SNX25: variants seen among roughly 807,000 people sequenced by gnomAD.
SNX25 encodes the protein sorting nexin 25.
A neutral mutation model predicts 113.7 loss-of-function variants in SNX25; 62 were observed. The observed-to-expected ratio is 0.55, with a 90% CI of 0.44 to 0.67. The LOEUF is 0.67. SNX25 is among the 30% of genes least tolerant of loss of function. SNX25 has a pLI of 0.00. For synonymous variants in SNX25, 421 were observed against 436.2 expected (o/e 0.97, Z 0.43); for missense variants, 1,014 against 1,161.0 (o/e 0.87, Z 1.84).
chr4:185,376,764 C>G, the SNX25 span: 3 of 609,144 alleles, frequency 4.9e-6, no homozygotes, highest in Non-Finnish European at 8.7e-6. Flanking sequence ...GCACTGTATC[C>G]TACTGTTAAA....
chr4:185,269,207 AAAGAGCTCAGTGGTAG>A (rs58469313), intron 5 of SNX25, among the ~76,000 whole-genome samples: 55,221 of 151,608 alleles, frequency 0.36, 10,966 homozygotes, highest in East Asian at 0.56. Flanking sequence ...TATAAAAGTG[AAAGAGCTCAGTGGTAG>A]AACACCCTTG....
intron 1 of SNX25, among the ~76,000 whole-genome samples, chr4:185,227,856 A>T (rs1741251135): frequency 6.6e-6 from 1 of 152,164 alleles, no homozygotes; most frequent in South Asian, 2.1e-4. Flanking sequence ...TTAAGGCTAC[A>T]GGGGAATGAG....
At chr4:185,269,823 C>T (rs1748659990) in intron 5 of SNX25, among the ~76,000 whole-genome samples, 1 of 152,100 alleles carries the variant, frequency 6.6e-6, no homozygotes, top group African/African-American at 2.4e-5. Context: ...CAGTCCTCTC[C>T]CTCAGCCTTC....
At chr4:185,288,158 A>G (rs1751608360) in intron 6 of SNX25, 76 bp downstream of exon 6, 2 of 1,148,858 alleles carry the variant, frequency 1.7e-6, no homozygotes, top group Non-Finnish European at 2.5e-6. Flanking sequence ...CACCTGTCAG[A>G]TCTTTGGCAA....
chr4:185,208,468 A>G (rs3112884), upstream of SNX25, among the ~76,000 whole-genome samples: 86,826 of 151,676 alleles, frequency 0.57, 25,611 homozygotes, highest in Non-Finnish European at 0.66. Flanking sequence ...GGTGGCTTAC[A>G]CCTATAATCC....
At chr4:185,224,977 AG>A (rs1740755666) in intron 1 of SNX25, among the ~76,000 whole-genome samples, 1 of 151,950 alleles carries the variant, frequency 6.6e-6, no homozygotes, top group South Asian at 2.1e-4. Flanking sequence ...AGTCATTCAG[AG>A]TGTCAGGGAG....
chr4:185,222,450 G>T (rs745432683), intron 1 of SNX25, among the ~76,000 whole-genome samples: 4 of 142,852 alleles, frequency 2.8e-5, no homozygotes, highest in African/African-American at 7.9e-5. Flanking sequence ...CCCCTCCCTC[G>T]CGGTAGGTAT....
chr4:185,294,181 A>C (rs1256770830), intron 6 of SNX25, among the ~76,000 whole-genome samples: 7 of 152,210 alleles, frequency 4.6e-5, no homozygotes, highest in Non-Finnish European at 8.8e-5. Flanking sequence ...AGTAAGTATC[A>C]AGCACGCATA....
At chr4:185,238,083 AAAT>A (rs1422662030) in intron 1 of SNX25, among the ~76,000 whole-genome samples, 2 of 151,326 alleles carry the variant, frequency 1.3e-5, no homozygotes, top group Middle Eastern at 3.2e-3. Flanking sequence ...AAAAAAAAAA[AAAT>A]TTAGAGCACC....
At chr4:185,294,036 A>G (rs1173232756) in intron 6 of SNX25, among the ~76,000 whole-genome samples, 2 of 152,182 alleles carry the variant, frequency 1.3e-5, no homozygotes, top group Non-Finnish European at 2.9e-5. Flanking sequence ...AAGATCGTGA[A>G]GGACAACAGC....
intron 2 of SNX25, among the ~76,000 whole-genome samples, chr4:185,256,750 A>G (rs1279539080): frequency 6.6e-6 from 1 of 150,598 alleles, no homozygotes; most frequent in African/African-American, 2.4e-5. Flanking sequence ...CTCAGCCCCA[A>G]GTAGCTGGGA....
In SNX25 at chr4:185,251,937, C is replaced by T. The variant is rs140810036; in HGVS notation, c.514+4559C>T. The stretch of plus-strand genomic sequence containing the variant: ...ATGTTTTCCAAAGCCTTTGGGTAAG[C>T]GTTTCAGTTTATTATACTTTGCTTT... On this transcript the variant is annotated intron_variant, in intron 2 of 18. Coordinates refer to ENST00000652585, the MANE Select transcript of SNX25 (RefSeq NM_001378034.2). 8.3e-4 allele frequency among the ~76,000 whole-genome samples: 125 copies of T among 151,380 alleles called. 1 individual carries two copies. The highest frequency in any genetic ancestry group is 2.9e-3 in the African/African-American group (119 of 41,300).
chr4:185,312,690 A>T (rs1289126123), intron 7 of SNX25, among the ~76,000 whole-genome samples: 7 of 151,692 alleles, frequency 4.6e-5, no homozygotes, highest in African/African-American at 1.2e-4. Context: ...ACCCAGCTAA[A>T]TTTTTTTTGT....
chr4:185,370,731 A>C, downstream of SNX25: 1 of 1,614,090 alleles, frequency 6.2e-7, no homozygotes, highest in African/African-American at 1.3e-5. Context: ...TGCCATTGCC[A>C]TGCCTCTGCC....
intron 1 of SNX25, among the ~76,000 whole-genome samples, chr4:185,246,447 G>A (rs1296318346): frequency 1.3e-5 from 2 of 152,118 alleles, no homozygotes; most frequent in African/African-American, 4.8e-5. Context: ...CAGTCTGATG[G>A]TATCTCATTG....
At chr4:185,234,250 A>G (rs1343837062) in intron 1 of SNX25, among the ~76,000 whole-genome samples, 1 of 152,222 alleles carries the variant, frequency 6.6e-6, no homozygotes, top group Non-Finnish European at 1.5e-5. Context: ...TTTTTCTTTT[A>G]GAAAGCAGGT....
chr4:185,266,904 A>T lies in SNX25; in HGVS notation c.905-65A>T. 3 of 1,465,520 alleles carry T rather than the reference A, an allele frequency of 2.0e-6. No individual in the cohort carries two copies. The South Asian group carries it at 3.7e-5, about 18-fold the overall frequency. The allele number at this position is 1,465,520 out of a possible 1,614,324, so 90.8% of individuals were successfully genotyped here. A position where few individuals can be genotyped will look rare whatever the true frequency, so the allele number is the denominator to read the frequency against. On this transcript the variant is annotated intron_variant, in intron 4 of 18. Coordinates refer to ENST00000652585, the MANE Select transcript of SNX25 (RefSeq NM_001378034.2). ...TCCCAAATGTAGTCTCAGTTATGTG[A>T]TACATAAACAGTTCCCTTAAAGAAG... is the stretch of plus-strand genomic sequence containing the variant.
rs530866729 is a variant in SNX25 at position 185,219,350 on chromosome 4, G to C, written c.429+9095G>C. Among the ~76,000 whole-genome samples the C allele has an allele frequency of 1.4e-3, 220 of 152,222 alleles. 3 individuals are homozygous for C. The highest frequency in any genetic ancestry group is 5.1e-3 in the African/African-American group (210 of 41,528). ...TGAGGCAGGCGGATCACAAGGTCAG[G>C]AGATCAAGACCATCCTGACTAACAT... On this transcript the variant is annotated intron_variant, in intron 1 of 18. Transcript: ENST00000652585.
downstream of SNX25, among the ~76,000 whole-genome samples, chr4:185,371,505 G>A (rs1561076211): frequency 1.4e-5 from 2 of 138,038 alleles, no homozygotes; most frequent in African/African-American, 5.5e-5. Context: ...TCGCACCACT[G>A]CACTCCAGCC....
Sources: allele counts gnomAD v4.1 joint callset (sites outside exome capture counted in the v4.1 genomes callset), GRCh38; gene constraint gnomAD v4.1.1; transcripts MANE v1.5; gene names NCBI Gene and HGNC (gene_info 2026-07-23, HGNC 2026-07-21).